The following EXOC2 variants were observed in gnomAD, a reference collection of about 807,000 sequenced individuals.
EXOC2 encodes the protein SEC5-like 1.
In EXOC2, 70 loss-of-function variants were observed where a neutral mutation model predicts 131.8. The observed-to-expected ratio is 0.53, with a 90% CI of 0.44 to 0.65. The LOEUF is 0.65. Ranked by LOEUF, EXOC2 falls within the 30% of genes least tolerant of loss-of-function variation. The pLI, the probability that EXOC2 is intolerant of heterozygous loss-of-function variation, is 0.00. For synonymous variants in EXOC2, 411 were observed against 398.4 expected (o/e 1.03, Z -0.38); for missense variants, 923 against 1,108.6 (o/e 0.83, Z 2.38).
chr6:616,694 G>A (rs1761030764), intron 6 of EXOC2, among the ~76,000 whole-genome samples: 2 of 151,712 alleles, frequency 1.3e-5, no homozygotes, highest in Admixed American at 6.6e-5. Flanking sequence ...TGTGTTGGAG[G>A]TCAATTAAGT....
At chr6:613,456 A>G (rs1319303477) in intron 6 of EXOC2, among the ~76,000 whole-genome samples, 1 of 150,096 alleles carries the variant, frequency 6.7e-6, no homozygotes, top group East Asian at 1.9e-4. Context: ...AGAAAGAAAG[A>G]AAGAAAAAAA....
At chr6:616,509 A>G (rs1346116000) in intron 6 of EXOC2, among the ~76,000 whole-genome samples, 1 of 144,018 alleles carries the variant, frequency 6.9e-6, no homozygotes, top group African/African-American at 2.5e-5. Context: ...AGGCTGAGGC[A>G]GGAGAATGGC....
intron 12 of EXOC2, among the ~76,000 whole-genome samples, chr6:575,526 C>T (rs1758531750): frequency 6.6e-6 from 1 of 152,096 alleles, no homozygotes; most frequent in Admixed American, 6.5e-5. Context: ...CTCTCCCTCG[C>T]TCCATCTCCT....
At chr6:553,720 T>C (rs978937608) in intron 21 of EXOC2, 134 bp downstream of exon 21, 2 of 667,912 alleles carry the variant, frequency 3.0e-6, no homozygotes, top group Non-Finnish European at 5.3e-6. Flanking sequence ...TTTCACATAA[T>C]AGAGCTCCAA....
intron 21 of EXOC2, among the ~76,000 whole-genome samples, chr6:551,470 T>C (rs533258547): frequency 2.3e-4 from 35 of 152,264 alleles, no homozygotes; most frequent in South Asian, 1.2e-3. Context: ...CAGAGACACA[T>C]GTGAGGTGCC....
intron 1 of EXOC2, chr6:656,910 C>CA: frequency 6.5e-7 from 1 of 1,549,262 alleles, no homozygotes; most frequent in Non-Finnish European, 8.7e-7. Context: ...CAGCTCTAGA[C>CA]AGCCTTTGCC....
chr6:565,918 T>C (rs1757941194), intron 13 of EXOC2, among the ~76,000 whole-genome samples: 1 of 152,134 alleles, frequency 6.6e-6, no homozygotes, highest in Admixed American at 6.5e-5. Flanking sequence ...GTAAGTAAAA[T>C]ATGGGTTAGG....
intron 25 of EXOC2, among the ~76,000 whole-genome samples, chr6:492,708 A>C (rs1045551043): frequency 2.0e-5 from 3 of 152,160 alleles, no homozygotes; most frequent in African/African-American, 7.2e-5. Context: ...AATCATAGAG[A>C]TAGAAAGCCA....
chr6:688,924 T>C (rs1764789775), intron 1 of EXOC2, among the ~76,000 whole-genome samples: 1 of 152,206 alleles, frequency 6.6e-6, no homozygotes, highest in Non-Finnish European at 1.5e-5. Flanking sequence ...AGTTAAATCA[T>C]ATGCCCTCCA....
chr6:494,035 T>G (rs1329014290), intron 25 of EXOC2, among the ~76,000 whole-genome samples: 4 of 152,232 alleles, frequency 2.6e-5, no homozygotes, highest in African/African-American at 9.6e-5. Flanking sequence ...GACTGCCTGT[T>G]AATTCATCTG....
intron 6 of EXOC2, among the ~76,000 whole-genome samples, chr6:612,705 G>A (rs968598717): frequency 6.6e-6 from 1 of 152,014 alleles, no homozygotes; most frequent in East Asian, 1.9e-4. Flanking sequence ...AATCAATTAC[G>A]GCTCAAGCCA....
intron 2 of EXOC2, among the ~76,000 whole-genome samples, chr6:633,364 C>T (rs2127708686): frequency 6.6e-6 from 1 of 152,308 alleles, no homozygotes; most frequent in East Asian, 1.9e-4. Flanking sequence ...AGAAAACGAA[C>T]ACCACAACAA....
chr6:553,965 A>G, intron 20 of EXOC2, 45 bp from the exon 21 acceptor site: 1 of 1,472,140 alleles, frequency 6.8e-7, no homozygotes. Flanking sequence ...AAAGCACTCA[A>G]ATTCAAAAAT....
intron 27 of EXOC2, among the ~76,000 whole-genome samples, chr6:488,413 G>C (rs191329887): frequency 2.0e-5 from 3 of 152,278 alleles, no homozygotes; most frequent in African/African-American, 7.2e-5. Flanking sequence ...TCTTAGGTCC[G>C]TTTCCTGTTC....
intron 1 of EXOC2, among the ~76,000 whole-genome samples, chr6:687,201 G>A (rs1243792531): frequency 1.9e-4 from 6 of 32,286 alleles, no homozygotes; most frequent in Non-Finnish European, 4.0e-4. Flanking sequence ...TTTTGAGACA[G>A]GGTCTCACTC....
intron 1 of EXOC2, among the ~76,000 whole-genome samples, chr6:687,568 G>A (rs1764721460): frequency 6.6e-6 from 1 of 151,624 alleles, no homozygotes; most frequent in Admixed American, 6.6e-5. Context: ...CTCAAAAGAT[G>A]ACAGTATTGG....
intron 22 of EXOC2, among the ~76,000 whole-genome samples, chr6:537,748 C>T (rs1156894982): frequency 3.9e-5 from 6 of 152,144 alleles, no homozygotes; most frequent in African/African-American, 1.2e-4. Flanking sequence ...CCAAACTCAG[C>T]AATAAAAGAA....
chr6:591,658 G>A (rs1759549021), intron 11 of EXOC2, among the ~76,000 whole-genome samples: 1 of 152,094 alleles, frequency 6.6e-6, no homozygotes, highest in East Asian at 1.9e-4. Context: ...CTGGTTATCT[G>A]TCTACCCTAC....
chr6:556,109 G>T, intron 18 of EXOC2, 96 bp from the exon 19 acceptor site: 1 of 1,110,352 alleles, frequency 9.0e-7, no homozygotes, highest in Non-Finnish European at 1.3e-6. Flanking sequence ...GTGGAACGCT[G>T]CTGCAGGAGT....
Sources: gnomAD v4.1 joint callset for allele counts (sites outside exome capture counted in the v4.1 genomes callset) on GRCh38, gnomAD v4.1.1 for gene constraint, MANE v1.5 for transcripts, NCBI Gene and HGNC (gene_info 2026-07-23, HGNC 2026-07-21) for gene names.